Variants in LRRC1 observed in about 807,000 individuals in gnomAD.
LRRC1 encodes the protein leucine rich repeat containing 1, also known as leucine-rich repeat-containing protein 1.
In LRRC1, 28 loss-of-function variants were observed where a neutral mutation model predicts 69.9. The ratio of observed to expected loss-of-function variants is 0.40; its 90% CI spans 0.30 to 0.55. LRRC1 has a LOEUF of 0.55. LRRC1 is among the 20% of genes least tolerant of loss of function. The pLI is 0.47. For synonymous variants in LRRC1, 236 were observed against 240.2 expected (o/e 0.98, Z 0.16); for missense variants, 498 against 609.0 (o/e 0.82, Z 1.92).
chr6:53,884,126 T>G (rs2127431814), intron 4 of LRRC1: 2 of 633,306 alleles, frequency 3.2e-6, no homozygotes, highest in Non-Finnish European at 5.7e-6. Flanking sequence ...TGGTATCAGT[T>G]GCAGAGAAAA....
chr6:53,919,504 G>C lies in LRRC1; in HGVS notation c.1113G>C (p.Leu371=), dbSNP rs763667127. Reference sequence around the variant, plus strand: ...AAAAAAAAAAAAAAAACAGGTTGCTGCATCTACCTTTATCCCTGACTGCCT... The same window carrying C: ...AAAAAAAAAAAAAAAACAGGTTGCTCCATCTACCTTTATCCCTGACTGCCT... ...HVLDVAGNRL[L]HLPLSLTALK... is the part of the protein sequence containing the mutation. The change falls in exon 12 of 14, where the codon CTG becomes CTC. Residue 371 remains leucine (L), a synonymous_variant. Transcript: ENST00000370888. The C allele has an allele frequency of 1.3e-6, 2 of 1,547,170 alleles. No homozygotes were observed. The highest frequency in any genetic ancestry group is 2.2e-5 in the Admixed American group (1 of 45,840).
chr6:53,804,213 T>C (rs1460779063), intron 1 of LRRC1, among the ~76,000 whole-genome samples: 2 of 152,238 alleles, frequency 1.3e-5, no homozygotes, highest in Non-Finnish European at 2.9e-5. Flanking sequence ...TGAAATGATA[T>C]CATCCGTTAA....
rs1186706860 is a variant in LRRC1, at chr6:53,904,528, C to A, written c.990+66C>A. 12 of 1,087,824 alleles carry A rather than the reference C, an allele frequency of 1.1e-5. No individual in the cohort carries two copies. The East Asian group carries it at 3.1e-4, about 28-fold the overall frequency. 67.4% of individuals were successfully genotyped at this position (1,087,824 alleles called of 1,614,324 possible). On this transcript the variant is annotated intron_variant, in intron 10 of 13. Transcript: ENST00000370888. ...GAAATAATAATAATACATAAGGGAT[C>A]AAAAATGTCAAATGCTTTGAAAAGA...
chr6:53,921,326 T>C (rs1768735979), intron 13 of LRRC1, among the ~76,000 whole-genome samples: 1 of 152,140 alleles, frequency 6.6e-6, no homozygotes, highest in African/African-American at 2.4e-5. Context: ...TGTAATAGTT[T>C]CCCCTCCCAC....
intron 1 of LRRC1, among the ~76,000 whole-genome samples, chr6:53,834,217 C>G (rs1399653592): frequency 6.6e-6 from 1 of 152,150 alleles, no homozygotes. Context: ...TCTCTGTGCC[C>G]CTGATCCTCT....
At chr6:53,884,240 C>A (rs1020824612) in intron 4 of LRRC1, 3 of 487,988 alleles carry the variant, frequency 6.1e-6, no homozygotes, top group South Asian at 2.5e-5. Context: ...CATGGTGGCT[C>A]ACACCTGTAA....
chr6:53,891,760 G>C lies in LRRC1; in HGVS notation c.447-4738G>C, dbSNP rs9474674. ...CACTTTGGGCAGGCCTAGGTAGGCA[G>C]ATCACCTGGGGTCAGGAGATCGAGA... On this transcript the variant is annotated intron_variant, in intron 4 of 13. Coordinates refer to ENST00000370888, the MANE Select transcript of LRRC1 (RefSeq NM_018214.5). 4.5e-3 allele frequency among the ~76,000 whole-genome samples: 691 copies of C among 152,182 alleles called. 8 individuals carry two copies. Among genetic ancestry groups the C allele is most frequent in the East Asian group, 0.041 (213 of 5,172 alleles).
chr6:53,810,619 CAAA>C (rs112877066), intron 1 of LRRC1, among the ~76,000 whole-genome samples: 1 of 125,776 alleles, frequency 8.0e-6, no homozygotes, highest in Non-Finnish European at 1.7e-5. Flanking sequence ...GACTCCGTCT[CAAA>C]AAAAAAAAAG....
chr6:53,848,480 G>T (rs1263066846), intron 2 of LRRC1, among the ~76,000 whole-genome samples: 1 of 152,046 alleles, frequency 6.6e-6, no homozygotes, highest in Non-Finnish European at 1.5e-5. Context: ...GAAAACGTTG[G>T]GATAAACTTT....
chr6:53,884,138 A>G (rs897004099), intron 4 of LRRC1: 38 of 619,866 alleles, frequency 6.1e-5, no homozygotes, highest in Non-Finnish European at 1.2e-5. Flanking sequence ...CAGAGAAAAC[A>G]GTGGTATTTT....
intron 4 of LRRC1, among the ~76,000 whole-genome samples, chr6:53,895,373 A>G (rs1240498827): frequency 6.6e-6 from 1 of 152,236 alleles, no homozygotes; most frequent in Admixed American, 6.5e-5. Flanking sequence ...TTAAGCATGT[A>G]TATACACTGT....
chr6:53,865,223 A>G (rs1186436385), intron 2 of LRRC1, among the ~76,000 whole-genome samples: 6 of 152,158 alleles, frequency 3.9e-5, no homozygotes, highest in African/African-American at 1.5e-4. Context: ...TTGCTTTTGC[A>G]TTATCCATAG....
chr6:53,919,409 A>C, intron 11 of LRRC1, 89 bp from the exon 12 acceptor site: 4 of 1,108,452 alleles, frequency 3.6e-6, no homozygotes, highest in Non-Finnish European at 4.9e-6. Context: ...GCTCCTTTTA[A>C]TTTTTCCTCA....
intron 3 of LRRC1, among the ~76,000 whole-genome samples, chr6:53,879,433 C>T (rs1381646040): frequency 6.6e-6 from 1 of 152,028 alleles, no homozygotes; most frequent in Admixed American, 6.6e-5. Context: ...CTACAGGCAC[C>T]CGCCACCATG....
chr6:53,807,634 A>C (rs537377124), intron 1 of LRRC1, among the ~76,000 whole-genome samples: 117 of 152,028 alleles, frequency 7.7e-4, no homozygotes, highest in African/African-American at 2.5e-3. Flanking sequence ...AATCCCAGCT[A>C]CTTGGCAGGC....
At chr6:53,874,451 G>A (rs550293099) in intron 2 of LRRC1, among the ~76,000 whole-genome samples, 5 of 151,838 alleles carry the variant, frequency 3.3e-5, no homozygotes, top group Admixed American at 2.6e-4. Flanking sequence ...ATAAATAAGC[G>A]ATTATATTTA....
At chr6:53,890,519 C>A (rs145593842) in intron 4 of LRRC1, among the ~76,000 whole-genome samples, 24 of 152,272 alleles carry the variant, frequency 1.6e-4, no homozygotes, top group African/African-American at 5.5e-4. Context: ...AGGCCTAGTG[C>A]TAGGCAGCTT....
rs1266724410 is a variant in LRRC1, at chr6:53,892,067, T to C, written c.447-4431T>C. 3.5e-5 allele frequency among the ~76,000 whole-genome samples: 5 copies of C among 144,228 alleles called. No individual in the cohort carries two copies. In the East Asian group the frequency reaches 1.1e-3, roughly 31 times the overall value. The allele number at this position is 144,228 out of a possible 152,430, so 94.6% of individuals were successfully genotyped here. ...ACACACATACACATAAAAATAAATA[T>C]GTATATACATAAATATATTATTACC... On this transcript the variant is annotated intron_variant, in intron 4 of 13. Transcript: ENST00000370888.
At chr6:53,891,999 A>AAAT (rs1554185481) in intron 4 of LRRC1, among the ~76,000 whole-genome samples, 26 of 133,716 alleles carry the variant, frequency 1.9e-4, no homozygotes, top group African/African-American at 5.5e-4. Flanking sequence ...CTAAAAAAAA[A>AAAT]ATATATATAT....
Sources: gnomAD v4.1 joint callset for allele counts (sites outside exome capture counted in the v4.1 genomes callset) on GRCh38, gnomAD v4.1.1 for gene constraint, MANE v1.5 for transcripts, NCBI Gene and HGNC (gene_info 2026-07-23, HGNC 2026-07-21) for gene names.